STAG1: variants seen among roughly 807,000 people sequenced by gnomAD.
STAG1 encodes cohesin subunit SA-1.
In STAG1, 26 loss-of-function variants were observed where a neutral mutation model predicts 170.9. The observed-to-expected ratio is 0.15, with a 90% CI of 0.11 to 0.21. STAG1 has a LOEUF of 0.21. STAG1 is among the 10% of genes least tolerant of loss of function. The pLI is 1.00. For missense variants in STAG1, 964 were observed against 1,509.5 expected, an observed-to-expected ratio of 0.64 and a Z score of 5.99; for synonymous variants, 514 against 497.7, an observed-to-expected ratio of 1.03 and a Z score of -0.44.
chr3:136,717,175 G>C (rs1049799359), intron 1 of STAG1, among the ~76,000 whole-genome samples: 1 of 151,570 alleles, frequency 6.6e-6, no homozygotes, highest in Non-Finnish European at 1.5e-5. Flanking sequence ...ACCACCAAAA[G>C]AAATCTACAC....
intron 9 of STAG1, among the ~76,000 whole-genome samples, chr3:136,484,316 G>A (rs923508112): frequency 6.6e-6 from 1 of 150,866 alleles, no homozygotes. Context: ...CTCAGCTGCA[G>A]GTCTGTTGGA....
chr3:136,473,952 A>C (rs539111073), intron 10 of STAG1, among the ~76,000 whole-genome samples: 3 of 152,348 alleles, frequency 2.0e-5, no homozygotes, highest in African/African-American at 7.2e-5. Context: ...ATAATTAGGG[A>C]AAAGTATGTT....
intron 1 of STAG1, among the ~76,000 whole-genome samples, chr3:136,673,932 G>A (rs1230396854): frequency 3.3e-5 from 5 of 151,440 alleles, no homozygotes; most frequent in South Asian, 2.1e-4. Context: ...GCAAAACCCC[G>A]TCTCTACTAA....
intron 1 of STAG1, among the ~76,000 whole-genome samples, chr3:136,655,862 T>C (rs1340468800): frequency 2.6e-5 from 4 of 152,014 alleles, no homozygotes; most frequent in Admixed American, 1.3e-4. Context: ...TAAAAAAATA[T>C]GGTGTTTCCT....
intron 10 of STAG1, 60 bp downstream of exon 10, chr3:136,477,229 C>T (rs1394092): frequency 0.73 from 1,096,617 of 1,492,694 alleles, 404,062 homozygotes; most frequent in East Asian, 0.84. Context: ...TTTTGATTCC[C>T]AGCATTTTAG....
At chr3:136,372,060 G>A (rs1057105602) in intron 23 of STAG1, among the ~76,000 whole-genome samples, 9 of 152,142 alleles carry the variant, frequency 5.9e-5, no homozygotes, top group Non-Finnish European at 8.8e-5. Flanking sequence ...TCTCCTTGAA[G>A]AGGTCCTTCA....
At chr3:136,527,792 T>C (rs965014524) in intron 6 of STAG1, among the ~76,000 whole-genome samples, 7 of 152,158 alleles carry the variant, frequency 4.6e-5, no homozygotes, top group Non-Finnish European at 1.0e-4. Context: ...TTTGTTAGTT[T>C]TCCTTCTTAC....
At chr3:136,727,893 C>T (rs369768140) in intron 1 of STAG1, among the ~76,000 whole-genome samples, 15 of 152,260 alleles carry the variant, frequency 9.9e-5, no homozygotes, top group African/African-American at 2.4e-4. Flanking sequence ...AGCGGTGGCT[C>T]ATGCCTGTAA....
At chr3:136,362,605 CAAAAA>C (rs1237413699) in intron 26 of STAG1, among the ~76,000 whole-genome samples, 1 of 42,456 alleles carries the variant, frequency 2.4e-5, no homozygotes, top group Non-Finnish European at 5.0e-5. Context: ...ATCATCTCTG[CAAAAA>C]AAAAAAAAAA....
At chr3:136,621,498 T>C (rs889692654) in intron 3 of STAG1, among the ~76,000 whole-genome samples, 1 of 152,172 alleles carries the variant, frequency 6.6e-6, no homozygotes, top group African/African-American at 2.4e-5. Flanking sequence ...AGCTTCCAAG[T>C]GCAAAACTCT....
chr3:136,477,412 A>C lies in STAG1; in HGVS notation c.903T>G (p.Arg301=). 6.3e-7 allele frequency: 1 copy of C among 1,598,562 alleles called. No individual in the cohort carries two copies. Among genetic ancestry groups the C allele is most frequent in the Non-Finnish European group, 8.5e-7 (1 of 1,175,254 alleles). Residue 301 remains arginine (R), a splice_region_variant and synonymous_variant, in exon 10 of 34, where the codon CGT becomes CGG. Coordinates refer to ENST00000383202, the MANE Select transcript of STAG1 (RefSeq NM_005862.3). ...TGGCTCTAATCTCAGCAATAGCATCACTAGAGAGAGAAAAAAAAGACAATC... is the reference window on the plus strand; with the variant it reads ...TGGCTCTAATCTCAGCAATAGCATCCCTAGAGAGAGAAAAAAAAGACAATC... The part of the protein sequence containing the change: ...IFKGIFVHRY[R]DAIAEIRAIC...
chr3:136,527,284 G>C (rs1216917832), intron 6 of STAG1, among the ~76,000 whole-genome samples: 2 of 152,074 alleles, frequency 1.3e-5, no homozygotes, highest in Non-Finnish European at 2.9e-5. Context: ...TGGAGGCTTT[G>C]TTTGTTTCTT....
intron 3 of STAG1, among the ~76,000 whole-genome samples, chr3:136,605,545 TTA>T (rs1400877263): frequency 6.6e-6 from 1 of 152,190 alleles, no homozygotes; most frequent in Non-Finnish European, 1.5e-5. Flanking sequence ...TTCCTTTCAG[TTA>T]TCTTTCCCCT....
intron 1 of STAG1, among the ~76,000 whole-genome samples, chr3:136,637,974 A>C (rs1478386741): frequency 6.6e-6 from 1 of 151,680 alleles, no homozygotes; most frequent in African/African-American, 2.4e-5. Context: ...CCTGGGCCCA[A>C]GTGATCCTGG....
chr3:136,359,617 C>T (rs1936782240), intron 26 of STAG1, among the ~76,000 whole-genome samples: 1 of 152,176 alleles, frequency 6.6e-6, no homozygotes, highest in Non-Finnish European at 1.5e-5. Context: ...GCAACCTCCA[C>T]CTCCCGGGTT....
chr3:136,696,618 G>A (rs919456086), intron 1 of STAG1, among the ~76,000 whole-genome samples: 1 of 151,968 alleles, frequency 6.6e-6, no homozygotes, highest in African/African-American at 2.4e-5. Flanking sequence ...TGCATATTGG[G>A]GGAGTGAAGA....
At chr3:136,443,220 A>G (rs1398656697) in intron 15 of STAG1, 67 bp downstream of exon 15, 2 of 1,118,242 alleles carry the variant, frequency 1.8e-6, no homozygotes, top group East Asian at 4.7e-5. Flanking sequence ...GAAGCGATCT[A>G]TATACAACTG....
At chr3:136,647,804 A>T (rs1305009582) in intron 1 of STAG1, among the ~76,000 whole-genome samples, 2 of 152,168 alleles carry the variant, frequency 1.3e-5, no homozygotes, top group African/African-American at 2.4e-5. Flanking sequence ...GTTTATATTC[A>T]TTGCTTCTAC....
At chr3:136,521,539 G>A (rs1469722601) in intron 6 of STAG1, 122 bp from the exon 7 acceptor site, 10 of 687,448 alleles carry the variant, frequency 1.5e-5, no homozygotes, top group Admixed American at 2.9e-5. Flanking sequence ...AGAAATAGGT[G>A]ACTTTCATAG....
Sources: gnomAD v4.1 joint callset for allele counts (sites outside exome capture counted in the v4.1 genomes callset) on GRCh38, gnomAD v4.1.1 for gene constraint, MANE v1.5 for transcripts, NCBI Gene and HGNC (gene_info 2026-07-23, HGNC 2026-07-21) for gene names.